The following ZNF564 variants were observed in gnomAD, a reference collection of about 807,000 sequenced individuals.
ZNF564 encodes the protein zinc finger protein 564.
Under a neutral mutation model 10.5 loss-of-function variants are expected in ZNF564, and 5 were observed. The ratio of observed to expected loss-of-function variants is 0.48; its 90% CI spans 0.25 to 1.00. The LOEUF (loss-of-function observed/expected upper bound fraction) is 1.00. Among genes scored for constraint, ZNF564 ranks in the 50% least tolerant of loss-of-function variants. The pLI is 0.16. For missense variants in ZNF564, 603 were observed against 669.7 expected (o/e 0.90, Z 1.10); for synonymous variants, 242 against 218.1 (o/e 1.11, Z -0.97).
chr19:12,539,918 T>C (rs1452469595), intron 1 of ZNF564, among the ~76,000 whole-genome samples: 6 of 151,050 alleles, frequency 4.0e-5, no homozygotes, highest in Non-Finnish European at 5.9e-5. Context: ...GAGGCGGAGC[T>C]TGCAGTGAGC....
rs1003480885 is a variant in ZNF564 at position 12,533,682 on chromosome 19, A to G, written c.4-4986T>C. On this transcript the variant is annotated intron_variant, in intron 1 of 3. Coordinates refer to ENST00000339282, the MANE Select transcript of ZNF564 (RefSeq NM_144976.4). ...ATGGAGGTTACAGTGAGCCAAGATCATGCCACTGCACTCCAGCCTGGGCGA... is the reference window on the plus strand; with the variant it reads ...ATGGAGGTTACAGTGAGCCAAGATCGTGCCACTGCACTCCAGCCTGGGCGA... 7.9e-5 allele frequency among the ~76,000 whole-genome samples: 10 copies of G among 127,334 alleles called. No individual in the cohort carries two copies. The Admixed American group carries it at 1.0e-3, about 13-fold the overall frequency. 83.5% of individuals were successfully genotyped at this position (127,334 alleles called of 152,430 possible). A position where few individuals can be genotyped will look rare whatever the true frequency, so the allele number is the denominator to read the frequency against.
At chr19:12,536,944 T>C (rs1044282573) in intron 1 of ZNF564, among the ~76,000 whole-genome samples, 1 of 152,208 alleles carries the variant, frequency 6.6e-6, no homozygotes, top group Non-Finnish European at 1.5e-5. Context: ...AATAAGCCCA[T>C]GTACTTTTTA....
chr19:12,549,599 G>A (rs2022215156), intron 1 of ZNF564, among the ~76,000 whole-genome samples: 1 of 152,198 alleles, frequency 6.6e-6, no homozygotes, highest in South Asian at 2.1e-4. Context: ...CTCAGTAACA[G>A]CCTAAGATTG....
intron 1 of ZNF564, among the ~76,000 whole-genome samples, chr19:12,537,074 T>C (rs185317879): frequency 1.8e-3 from 280 of 152,320 alleles, no homozygotes; most frequent in Non-Finnish European, 2.1e-3. Context: ...AATCATGCCA[T>C]GTGGTATGTG....
chr19:12,536,682 A>G (rs1426196270), intron 1 of ZNF564, among the ~76,000 whole-genome samples: 2 of 152,156 alleles, frequency 1.3e-5, no homozygotes, highest in Non-Finnish European at 2.9e-5. Flanking sequence ...ATGAGTATCC[A>G]TGGTATTGTG....
intron 1 of ZNF564, among the ~76,000 whole-genome samples, chr19:12,540,690 T>C (rs1292690793): frequency 6.6e-6 from 1 of 152,124 alleles, no homozygotes; most frequent in East Asian, 1.9e-4. Flanking sequence ...CCGTCTCTAC[T>C]AAAAACACAA....
intron 1 of ZNF564, among the ~76,000 whole-genome samples, chr19:12,540,506 G>A (rs1037903432): frequency 2.6e-5 from 4 of 151,916 alleles, no homozygotes; most frequent in African/African-American, 9.7e-5. Context: ...GATCAGTTGA[G>A]GTCAGGAGTT....
At position 12,527,574 on chromosome 19, in the gene ZNF564, G is replaced by A. The variant is rs2021714565; in HGVS notation, c.534C>T (p.Phe178=). ...GTCTTCGAACACTTGGGAGAGAAAT[G>A]AAGGCTTTCCCACATTCCGGACATG... is the stretch of plus-strand genomic sequence containing the variant. ...PYACPECGKA[F]ISLPSVRRHM... is the part of the protein sequence containing the mutation. Residue 178 remains phenylalanine, a synonymous_variant, in exon 4 of 4, where the codon TTC becomes TTT. Coordinates refer to ENST00000339282, the MANE Select transcript of ZNF564 (RefSeq NM_144976.4). 1.6e-5 allele frequency: 26 copies of A among 1,614,122 alleles called. No homozygotes were observed. Among genetic ancestry groups the A allele is most frequent in the Non-Finnish European group, 2.2e-5 (26 of 1,180,004 alleles).
chr19:12,542,649 G>GAAGAAAGA (rs74180078), intron 1 of ZNF564, among the ~76,000 whole-genome samples: 1 of 146,452 alleles, frequency 6.8e-6, no homozygotes, highest in Non-Finnish European at 1.5e-5. Context: ...AAAGGGAAAG[G>GAAGAAAGA]AAGAAAGAAA....
intron 1 of ZNF564, among the ~76,000 whole-genome samples, chr19:12,549,187 C>T (rs10423313): frequency 0.068 from 10,282 of 152,218 alleles, 985 homozygotes; most frequent in African/African-American, 0.21. Flanking sequence ...CCTCCCTTTG[C>T]AAACACTTTA....
chr19:12,535,712 T>C (rs1045288246), intron 1 of ZNF564, among the ~76,000 whole-genome samples: 3 of 152,038 alleles, frequency 2.0e-5, no homozygotes, highest in African/African-American at 7.2e-5. Flanking sequence ...AGTAATACAA[T>C]ATATAAAAAA....
At position 12,528,608 on chromosome 19, in the gene ZNF564, T is replaced by C; in HGVS notation, c.92A>G (p.Asp31Gly). 10 of 1,613,992 alleles carry C rather than the reference T, an allele frequency of 6.2e-6. No individual in the cohort carries two copies. The highest frequency in any genetic ancestry group is 8.5e-6 in the Non-Finnish European group (10 of 1,179,994). ...LDPSQKKLYR[D>G]VMRETFRNLA... Reference sequence around the variant, plus strand: ...GTTTCTAAAGGTTTCCCGCATCACATCTCTGTAGAGTTTCTTCTGGGAAGG... The same window carrying C: ...GTTTCTAAAGGTTTCCCGCATCACACCTCTGTAGAGTTTCTTCTGGGAAGG... Residue 31 changes from aspartate (D) to glycine (G), a missense_variant, in exon 2 of 4, where the codon GAT becomes GGT. Asp to Gly is a moderately conservative substitution (Grantham distance 94). Transcript: ENST00000339282.
chr19:12,536,134 A>C (rs1316652451), intron 1 of ZNF564, among the ~76,000 whole-genome samples: 1 of 152,184 alleles, frequency 6.6e-6, no homozygotes, highest in Admixed American at 6.6e-5. Context: ...ACAAAAAGTT[A>C]AAATGAAGAG....
chr19:12,539,729 A>G (rs138081882), intron 1 of ZNF564, among the ~76,000 whole-genome samples: 5,319 of 151,386 alleles, frequency 0.035, 319 homozygotes, highest in African/African-American at 0.12. Flanking sequence ...TAATCCAAGC[A>G]CTTTGGGAGG....
chr19:12,526,304 C>T lies in ZNF564; in HGVS notation c.*142G>A. The T allele has an allele frequency of 1.2e-6, 1 of 860,510 alleles. No homozygotes were observed. The highest frequency in any genetic ancestry group is 2.1e-5 in the South Asian group (1 of 48,442). The allele number at this position is 860,510 out of a possible 1,614,324, so 53.3% of individuals were successfully genotyped here. On this transcript the variant is annotated 3_prime_UTR_variant, in exon 4 of 4. Transcript: ENST00000339282. ...AGTCATGTATTTCCAAAATATGAGA[C>T]AGGCACAGGATAGAGATTCCTATTC...
chr19:12,543,673 C>CA (rs57611686), intron 1 of ZNF564, among the ~76,000 whole-genome samples: 24,858 of 61,948 alleles, frequency 0.4, 5,467 homozygotes, highest in Non-Finnish European at 0.49. Flanking sequence ...GACTTCGTCT[C>CA]AAAAAAAAAA....
At chr19:12,549,650 T>C (rs2022215864) in intron 1 of ZNF564, among the ~76,000 whole-genome samples, 1 of 152,022 alleles carries the variant, frequency 6.6e-6, no homozygotes, top group South Asian at 2.1e-4. Flanking sequence ...AAACTGGGGT[T>C]GAGGAAGAAA....
rs1211548594 is a variant in ZNF564 at position 12,551,310 on chromosome 19, G to A, written c.3+20C>T. ...CAAGCCCCTCCCCCAGTCTCCAGGCGCCCGGCCCCGCACACGCACCATTTC... is the reference window on the plus strand; with the variant it reads ...CAAGCCCCTCCCCCAGTCTCCAGGCACCCGGCCCCGCACACGCACCATTTC... On this transcript the variant is annotated intron_variant, in intron 1 of 3. Coordinates refer to ENST00000339282, the MANE Select transcript of ZNF564 (RefSeq NM_144976.4). The A allele has an allele frequency of 1.2e-6, 2 of 1,605,654 alleles. No individual in the cohort carries two copies. The highest frequency in any genetic ancestry group is 2.2e-5 in the South Asian group (2 of 89,924).
intron 1 of ZNF564, among the ~76,000 whole-genome samples, chr19:12,536,067 CTG>C (rs1448825349): frequency 2.0e-5 from 3 of 151,318 alleles, no homozygotes; most frequent in African/African-American, 7.3e-5. Context: ...TTAAATAACT[CTG>C]TACTTAATGA....
Sources: gnomAD v4.1 joint callset for allele counts (sites outside exome capture counted in the v4.1 genomes callset) on GRCh38, gnomAD v4.1.1 for gene constraint, MANE v1.5 for transcripts, NCBI Gene and HGNC (gene_info 2026-07-23, HGNC 2026-07-21) for gene names.